CLIC6: variants seen among roughly 807,000 people sequenced by gnomAD.
CLIC6 encodes the protein chloride intracellular channel protein 6.
A neutral mutation model predicts 49.2 loss-of-function variants in CLIC6; 39 were observed. The observed-to-expected ratio is 0.79, with a 90% CI of 0.61 to 1.04. The LOEUF is 1.04. Among genes scored for constraint, CLIC6 ranks in the 50% least tolerant of loss-of-function variants. CLIC6 has a pLI of 0.00. For missense variants in CLIC6, 988 were observed against 993.1 expected (o/e 0.99, Z 0.07); for synonymous variants, 446 against 433.4 (o/e 1.03, Z -0.36).
At position 34,706,076 on chromosome 21, in the gene CLIC6, TGA is replaced by T. The variant is rs1446350430; in HGVS notation, c.1375-1200_1375-1199del. ...TCTCGCATTGCTATAAAGAAATACC[TGA>T]GAGTGGGTAATTTATAAAGAAAAGA... On this transcript the variant is annotated intron_variant, in intron 1 of 5. Coordinates refer to ENST00000349499, the MANE Select transcript of CLIC6 (RefSeq NM_053277.3). 15 of 685,440 alleles carry T rather than the reference TGA, an allele frequency of 2.2e-5. No homozygotes were observed. The Admixed American group carries it at 3.1e-4, about 14-fold the overall frequency. 42.5% of individuals were successfully genotyped at this position (685,440 alleles called of 1,614,324 possible). A position where few individuals can be genotyped will look rare whatever the true frequency, so the allele number is the denominator to read the frequency against.
rs369800240 is a variant in CLIC6, at chr21:34,691,366, C to A, written c.1375-15914C>A. Among the ~76,000 whole-genome samples, 3 of 152,216 alleles carry A rather than the reference C, an allele frequency of 2.0e-5. No homozygotes were observed. The East Asian group carries it at 5.8e-4, about 29-fold the overall frequency. On this transcript the variant is annotated intron_variant, in intron 1 of 5. Transcript: ENST00000349499. Reference sequence around the variant, plus strand: ...TTTTTTTTGATTCTGACCCTGATTTCCCTTCTCTTGAAGCTTAAAGCCAAG... The same window carrying A: ...TTTTTTTTGATTCTGACCCTGATTTACCTTCTCTTGAAGCTTAAAGCCAAG...
intron 5 of CLIC6, among the ~76,000 whole-genome samples, chr21:34,713,261 T>C (rs1218957360): frequency 6.6e-6 from 1 of 152,120 alleles, no homozygotes; most frequent in Non-Finnish European, 1.5e-5. Context: ...CTTACAGAAA[T>C]TTTTCTACAG....
chr21:34,692,149 C>T (rs1208152482), intron 1 of CLIC6, among the ~76,000 whole-genome samples: 2 of 152,066 alleles, frequency 1.3e-5, no homozygotes, highest in Non-Finnish European at 2.9e-5. Context: ...TTTAGCTTTG[C>T]CACTTCTTCA....
Position 34,707,963 on chromosome 21 carries a change from A to T in CLIC6, c.1504A>T (p.Asn502Tyr). 1 of 1,614,164 alleles carries T rather than the reference A, an allele frequency of 6.2e-7. No individual in the cohort carries two copies. Among genetic ancestry groups the T allele is most frequent in the Non-Finnish European group, 8.5e-7 (1 of 1,180,024 alleles). ...ACCTAGGAAACCCGCAGACCTGCAG[A>T]ACCTGGCTCCCGGAACAAACCCTCC... ...DLKRKPADLQ[N>Y]LAPGTNPPFM... The change falls in exon 3 of 6, where the codon AAC becomes TAC. Residue 502 changes from asparagine (N) to tyrosine (Y), a missense_variant. Around this residue, in one of 3 missense-constraint regions of CLIC6, gnomAD observed 647 missense variants for 596.9 expected, o/e 1.08. Coordinates refer to ENST00000349499, the MANE Select transcript of CLIC6 (RefSeq NM_053277.3).
intron 3 of CLIC6, 30 bp downstream of exon 3, chr21:34,708,099 T>A: frequency 6.2e-7 from 1 of 1,613,386 alleles, no homozygotes; most frequent in Non-Finnish European, 8.5e-7. Context: ...TGTTCATAAC[T>A]TGATTGTCAC....
In CLIC6 at chr21:34,716,327, GC is replaced by G; in HGVS notation, c.1908del (p.Lys637ArgfsTer12). ...ATTTTCTCTTCATTTTCAGATTGTGGCCAAGAAGTACAGAGATTTTGAATTT... is the reference window on the plus strand; with the variant it reads ...ATTTTCTCTTCATTTTCAGATTGTGGCAAGAAGTACAGAGATTTTGAATTT... ...LPKLHIIKIV[A>X]KKYRDFEFPS... On this transcript the variant is annotated frameshift_variant, in exon 6 of 6. Transcript: ENST00000349499. LOFTEE classifies it high-confidence loss of function. 6.2e-7 allele frequency: 1 copy of G among 1,609,896 alleles called. No homozygotes were observed. Among genetic ancestry groups the G allele is most frequent in the South Asian group, 1.1e-5 (1 of 89,946 alleles).
chr21:34,677,748 T>C (rs1340356322), intron 1 of CLIC6, among the ~76,000 whole-genome samples: 1 of 152,144 alleles, frequency 6.6e-6, no homozygotes. Context: ...CTGTGTCTAA[T>C]GGCTAGAACT....
In CLIC6 at chr21:34,717,733, C is replaced by G. The variant is rs1425791400; in HGVS notation, c.*1251C>G. 6.6e-6 allele frequency: 1 copy of G among 152,160 alleles called. No homozygotes were observed. Among genetic ancestry groups the G allele is most frequent in the Non-Finnish European group, 1.5e-5 (1 of 68,042 alleles). The allele number at this position is 152,160 out of a possible 1,614,324, so 9.4% of individuals were successfully genotyped here. A position where few individuals can be genotyped will look rare whatever the true frequency, so the allele number is the denominator to read the frequency against. ...AGCCAGAATGTGTTCTTCGGACAGT[C>G]GTACACATCTTACAGAAAACCCTCC... On this transcript the variant is annotated 3_prime_UTR_variant, in exon 6 of 6. Transcript: ENST00000349499.
In CLIC6 at chr21:34,716,331, A is replaced by G. The variant is rs1568973957; in HGVS notation, c.1910A>G (p.Lys637Arg). Reference sequence around the variant, plus strand: ...TCTCTTCATTTTCAGATTGTGGCCAAGAAGTACAGAGATTTTGAATTTCCT... The same window carrying G: ...TCTCTTCATTTTCAGATTGTGGCCAGGAAGTACAGAGATTTTGAATTTCCT... ...PKLHIIKIVA[K>R]KYRDFEFPSE... The change falls in exon 6 of 6, where the codon AAG becomes AGG. Residue 637 changes from lysine to arginine, a missense_variant. Coordinates refer to ENST00000349499, the MANE Select transcript of CLIC6 (RefSeq NM_053277.3). 2 of 1,610,418 alleles carry G rather than the reference A, an allele frequency of 1.2e-6. No homozygotes were observed. Among genetic ancestry groups the G allele is most frequent in the East Asian group, 4.5e-5 (2 of 44,844 alleles).
intron 1 of CLIC6, among the ~76,000 whole-genome samples, chr21:34,671,141 AAG>A (rs374290068): frequency 0.17 from 14,513 of 84,756 alleles, 786 homozygotes; most frequent in African/African-American, 0.23. Context: ...AAAAAAAAAA[AAG>A]AAGAAGAAGA....
chr21:34,671,866 G>A (rs896094168), intron 1 of CLIC6, among the ~76,000 whole-genome samples: 1 of 152,124 alleles, frequency 6.6e-6, no homozygotes, highest in East Asian at 1.9e-4. Context: ...AAGAAGGGGT[G>A]TGTGTGTGTT....
intron 1 of CLIC6, among the ~76,000 whole-genome samples, chr21:34,697,223 G>A (rs1990103639): frequency 7.3e-6 from 1 of 137,850 alleles, no homozygotes; most frequent in Admixed American, 6.9e-5. Flanking sequence ...CTACGCCAGT[G>A]ATTTTTTTAA....
At chr21:34,679,697 C>T (rs1436574973) in intron 1 of CLIC6, among the ~76,000 whole-genome samples, 1 of 152,176 alleles carries the variant, frequency 6.6e-6, no homozygotes, top group Admixed American at 6.5e-5. Flanking sequence ...GAGAAGTTGG[C>T]CAAAACAGAG....
At chr21:34,678,826 A>G (rs1474008776) in intron 1 of CLIC6, among the ~76,000 whole-genome samples, 1 of 152,218 alleles carries the variant, frequency 6.6e-6, no homozygotes. Flanking sequence ...TTAGAAACAT[A>G]AAAAGATATA....
At position 34,716,436 on chromosome 21, in the gene CLIC6, A is replaced by C; in HGVS notation, c.2015A>C (p.Gln672Pro). 1 of 1,613,968 alleles carries C rather than the reference A, an allele frequency of 6.2e-7. No individual in the cohort carries two copies. The highest frequency in any genetic ancestry group is 8.5e-7 in the Non-Finnish European group (1 of 1,179,912). The change falls in exon 6 of 6, where the codon CAA (glutamine) becomes CCA (proline). Residue 672 changes from glutamine (Q) to proline (P), a missense_variant. Gln to Pro is a moderately conservative substitution (Grantham distance 76). This residue lies in a region of CLIC6 where 647 missense variants were observed against 596.9 expected (regional missense o/e 1.08). Transcript: ENST00000349499. ...TTCACAAATACGTGTCCAGCTGATC[A>C]AGAGATTGAACACGCATATTCAGAT... ...DEFTNTCPAD[Q>P]EIEHAYSDVA...
Position 34,716,862 on chromosome 21 carries a change from T to TCTCTCTCTCTCTCTCTCTCACA in CLIC6, c.*381_*382insTCTCTCTCTCTCTCTCTCACAC. On this transcript the variant is annotated 3_prime_UTR_variant, in exon 6 of 6. Transcript: ENST00000349499. ...CTCTCTCTCTCTCTCTCTCTCTCTA[T>TCTCTCTCTCTCTCTCTCTCACA]CACACACACACACACACACACACAC... is the stretch of plus-strand genomic sequence containing the variant. 1 of 131,634 alleles carries TCTCTCTCTCTCTCTCTCTCACA rather than the reference T, an allele frequency of 7.6e-6. No homozygotes were observed. Among genetic ancestry groups the TCTCTCTCTCTCTCTCTCTCACA allele is most frequent in the African/African-American group, 3.2e-5 (1 of 31,214 alleles). The allele number at this position is 131,634 out of a possible 1,614,324, so 8.2% of individuals were successfully genotyped here. A position where few individuals can be genotyped will look rare whatever the true frequency, so the allele number is the denominator to read the frequency against.
intron 5 of CLIC6, among the ~76,000 whole-genome samples, chr21:34,713,547 T>C (rs2056069840): frequency 6.6e-6 from 1 of 152,240 alleles, no homozygotes; most frequent in Non-Finnish European, 1.5e-5. Context: ...AGCCGTGCTG[T>C]CAGTGATTTG....
At chr21:34,674,398 C>G (rs145905169) in intron 1 of CLIC6, among the ~76,000 whole-genome samples, 1 of 152,298 alleles carries the variant, frequency 6.6e-6, no homozygotes, top group East Asian at 1.9e-4. Flanking sequence ...GGCCTCTCTT[C>G]CTATTTTGTT....
rs942030221 is a variant in CLIC6, at chr21:34,708,078, C to T, written c.1610+9C>T. 2 of 1,614,064 alleles carry T rather than the reference C, an allele frequency of 1.2e-6. No homozygotes were observed. The highest frequency in any genetic ancestry group is 2.2e-5 in the South Asian group (2 of 91,064). Reference sequence around the variant, plus strand: ...AAATTAGCTCCCCCGAGGTAGGCCTCAGAAAACCAGTGTTCATAACTTGAT... The same window carrying T: ...AAATTAGCTCCCCCGAGGTAGGCCTTAGAAAACCAGTGTTCATAACTTGAT... On this transcript the variant is annotated intron_variant, in intron 3 of 5. Coordinates refer to ENST00000349499, the MANE Select transcript of CLIC6 (RefSeq NM_053277.3).
Sources: allele counts gnomAD v4.1 joint callset (sites outside exome capture counted in the v4.1 genomes callset), GRCh38; gene constraint gnomAD v4.1.1; regional missense constraint gnomAD v4.1.1; transcripts MANE v1.5; gene names NCBI Gene and HGNC (gene_info 2026-07-23, HGNC 2026-07-21).